Variants in ACVR1C observed in about 807,000 individuals in gnomAD.
The protein encoded by ACVR1C is activin A receptor type 1C, also known as activin receptor type-1C.
In ACVR1C, 23 loss-of-function variants were observed where a neutral mutation model predicts 57.9. The ratio of observed to expected loss-of-function variants is 0.40; its 90% CI spans 0.29 to 0.56. The LOEUF (loss-of-function observed/expected upper bound fraction) is 0.56. Among genes scored for constraint, ACVR1C ranks in the 20% least tolerant of loss-of-function variants. ACVR1C has a pLI of 0.50. For missense variants in ACVR1C, 480 were observed against 607.9 expected, an observed-to-expected ratio of 0.79 and a Z score of 2.21; for synonymous variants, 214 against 215.3, an observed-to-expected ratio of 0.99 and a Z score of 0.05.
At chr2:157,560,197 GGA>G (rs1688202490) in intron 2 of ACVR1C, among the ~76,000 whole-genome samples, 1 of 152,088 alleles carries the variant, frequency 6.6e-6, no homozygotes, top group South Asian at 2.1e-4. Flanking sequence ...CTTGCTTTAA[GGA>G]GAGCCTCAAG....
At chr2:157,539,101 A>G (rs1203740495) in intron 7 of ACVR1C, among the ~76,000 whole-genome samples, 2 of 151,842 alleles carry the variant, frequency 1.3e-5, no homozygotes, top group Non-Finnish European at 2.9e-5. Context: ...AGTGATGCCT[A>G]CTTTCTTCTG....
Position 157,584,777 on chromosome 2 carries a change from C to T in ACVR1C, c.304+2410G>A, listed in dbSNP as rs77861438. Among the ~76,000 whole-genome samples, 792 of 152,264 alleles carry T rather than the reference C, an allele frequency of 5.2e-3. 6 individuals carry two copies. The highest frequency in any genetic ancestry group is 7.5e-3 in the Non-Finnish European group (508 of 68,014). On this transcript the variant is annotated intron_variant, in intron 2 of 8. Transcript: ENST00000243349. The stretch of plus-strand genomic sequence containing the variant: ...AAAAGCACGTATCCAAAGACTTGTA[C>T]GTGAATGCTCATAACAGCTTTGCGA...
rs764453342 is a variant in ACVR1C, at chr2:157,534,071, A to G, written c.1357-28T>C. On this transcript the variant is annotated intron_variant, in intron 8 of 8. Coordinates refer to ENST00000243349, the MANE Select transcript of ACVR1C (RefSeq NM_145259.3). Reference sequence around the variant, plus strand: ...TTAAGAGAGAAAAAAAAAATCAAAGACTTTAGCTACTCTACATAAAACAGA... The same window carrying G: ...TTAAGAGAGAAAAAAAAAATCAAAGGCTTTAGCTACTCTACATAAAACAGA... 3.4e-6 allele frequency: 5 copies of G among 1,489,690 alleles called. No individual in the cohort carries two copies. In the African/African-American group the frequency reaches 7.2e-5, roughly 22 times the overall value. 92.3% of individuals were successfully genotyped at this position (1,489,690 alleles called of 1,614,324 possible).
intron 3 of ACVR1C, among the ~76,000 whole-genome samples, chr2:157,554,087 G>A (rs888230944): frequency 1.3e-5 from 2 of 150,848 alleles, no homozygotes; most frequent in South Asian, 2.1e-4. Context: ...GGAGGCTCAG[G>A]TAGGAGAATC....
chr2:157,608,124 C>A (rs530466458), intron 1 of ACVR1C, among the ~76,000 whole-genome samples: 1 of 151,866 alleles, frequency 6.6e-6, no homozygotes, highest in South Asian at 2.1e-4. Context: ...GTTGGTTTGT[C>A]ACATATTACT....
At chr2:157,579,945 C>T (rs914842378) in intron 2 of ACVR1C, among the ~76,000 whole-genome samples, 13 of 151,958 alleles carry the variant, frequency 8.6e-5, no homozygotes, top group Admixed American at 8.5e-4. Flanking sequence ...AATATTTGAC[C>T]ATTTGGATTT....
intron 1 of ACVR1C, 50 bp downstream of exon 1, chr2:157,628,522 C>T (rs747318288): frequency 6.3e-7 from 1 of 1,578,734 alleles, no homozygotes; most frequent in South Asian, 1.1e-5. Flanking sequence ...CCGCAGACCT[C>T]CTCCCAGCTC....
Position 157,527,182 on chromosome 2 carries a change from C to A in ACVR1C, c.*6736G>T, listed in dbSNP as rs1431579410. 1 of 152,150 alleles carries A rather than the reference C, an allele frequency of 6.6e-6. No individual in the cohort carries two copies. 9.4% of individuals were successfully genotyped at this position (152,150 alleles called of 1,614,324 possible). ...TGGAGTTTGAAATTCTCTTCACCTT[C>A]CACATTTAAATTACAACTACTAAAA... On this transcript the variant is annotated 3_prime_UTR_variant, in exon 9 of 9. Transcript: ENST00000243349.
In ACVR1C at chr2:157,537,590, A is replaced by G. The variant is rs1687520519; in HGVS notation, c.1356+983T>C. Among the ~76,000 whole-genome samples the G allele has an allele frequency of 2.0e-5, 3 of 152,238 alleles. No individual in the cohort carries two copies. In the South Asian group the frequency reaches 6.2e-4, roughly 32 times the overall value. On this transcript the variant is annotated intron_variant, in intron 8 of 8. Transcript: ENST00000243349. The stretch of plus-strand genomic sequence containing the variant: ...GGGTTGAGAAACATGAAGGAAGAGA[A>G]AAATGAGGCAAAAAGGCAACTATAT...
At chr2:157,564,414 T>A (rs1558979707) in intron 2 of ACVR1C, among the ~76,000 whole-genome samples, 1 of 152,186 alleles carries the variant, frequency 6.6e-6, no homozygotes, top group Non-Finnish European at 1.5e-5. Flanking sequence ...TGAGATACCA[T>A]CTCATGCCAG....
In ACVR1C at chr2:157,538,668, T is replaced by C. The variant is rs975384722; in HGVS notation, c.1261A>G (p.Met421Val). 7 of 1,565,250 alleles carry C rather than the reference T, an allele frequency of 4.5e-6. No homozygotes were observed. The highest frequency in any genetic ancestry group is 1.9e-5 in the Admixed American group (1 of 53,418). Residue 421 changes from methionine to valine, a missense_variant, in exon 8 of 9, where the codon ATG (methionine) becomes GTG (valine). Transcript: ENST00000243349. ...TCTATCGAGGGATCTGAAGGCACCA[T>C]GTCATAATAAGGCAATTGGTACTCC... ...VEEYQLPYYD[M>V]VPSDPSIEEM...
chr2:157,552,907 G>A (rs2105219642), intron 3 of ACVR1C, among the ~76,000 whole-genome samples: 1 of 152,322 alleles, frequency 6.6e-6, no homozygotes, highest in Non-Finnish European at 1.5e-5. Context: ...ACCAGGGGGT[G>A]TAGAAGGTTA....
intron 2 of ACVR1C, among the ~76,000 whole-genome samples, chr2:157,572,814 T>A (rs2105241851): frequency 6.6e-6 from 1 of 152,168 alleles, no homozygotes; most frequent in East Asian, 1.9e-4. Context: ...CACCTTTCAT[T>A]TTAGGGGGGA....
rs770319990 is a variant in ACVR1C at position 157,556,273 on chromosome 2, C to T, written c.364G>A (p.Val122Ile). 15 of 1,614,050 alleles carry T rather than the reference C, an allele frequency of 9.3e-6. No homozygotes were observed. The highest frequency in any genetic ancestry group is 3.3e-5 in the Admixed American group (2 of 60,002). ...ATCGCAGCTATGGACAGGAGGCAAACAGGCACAGTAATAATGATGGCCAGC... is the reference window on the plus strand; with the variant it reads ...ATCGCAGCTATGGACAGGAGGCAAATAGGCACAGTAATAATGATGGCCAGC... ...MELAIIITVP[V>I]CLLSIAAMLT... Residue 122 changes from valine (V) to isoleucine (I), a missense_variant, in exon 3 of 9, where the codon GTT becomes ATT. Coordinates refer to ENST00000243349, the MANE Select transcript of ACVR1C (RefSeq NM_145259.3).
At chr2:157,551,852 C>T (rs943595833) in intron 3 of ACVR1C, among the ~76,000 whole-genome samples, 1 of 152,150 alleles carries the variant, frequency 6.6e-6, no homozygotes, top group African/African-American at 2.4e-5. Context: ...CTCATATGGA[C>T]ATATAAGCAC....
At position 157,576,294 on chromosome 2, in the gene ACVR1C, CT is replaced by C. The variant is rs1367977000; in HGVS notation, c.304+10892del. ...AATCTCAGCTCACTGCAACCTCCACCTCCCGGGTTCAAGCAATTCTCCTGCC... is the reference window on the plus strand; with the variant it reads ...AATCTCAGCTCACTGCAACCTCCACCCCCGGGTTCAAGCAATTCTCCTGCC... On this transcript the variant is annotated intron_variant, in intron 2 of 8. Coordinates refer to ENST00000243349, the MANE Select transcript of ACVR1C (RefSeq NM_145259.3). Among the ~76,000 whole-genome samples the C allele has an allele frequency of 4.0e-5, 6 of 151,270 alleles. No individual in the cohort carries two copies. The East Asian group carries it at 1.2e-3, about 29-fold the overall frequency.
chr2:157,543,979 T>C (rs1443949489), intron 5 of ACVR1C, among the ~76,000 whole-genome samples: 3 of 151,784 alleles, frequency 2.0e-5, no homozygotes, highest in Admixed American at 6.6e-5. Context: ...CTGATGAGAG[T>C]TGGCTATATC....
intron 1 of ACVR1C, among the ~76,000 whole-genome samples, chr2:157,587,696 A>G (rs750077459): frequency 1.3e-5 from 2 of 151,974 alleles, no homozygotes; most frequent in Non-Finnish European, 2.9e-5. Context: ...ATACCCCCAT[A>G]TTAAGTTCAA....
At chr2:157,546,760 C>A (rs917532525) in intron 4 of ACVR1C, among the ~76,000 whole-genome samples, 1 of 152,038 alleles carries the variant, frequency 6.6e-6, no homozygotes, top group Admixed American at 6.6e-5. Flanking sequence ...TATATCAAAT[C>A]TGTGATTACA....
Sources: gnomAD v4.1 joint callset for allele counts (sites outside exome capture counted in the v4.1 genomes callset) on GRCh38, gnomAD v4.1.1 for gene constraint, MANE v1.5 for transcripts, NCBI Gene and HGNC (gene_info 2026-07-23, HGNC 2026-07-21) for gene names.